The following CNTNAP2 variants were observed in gnomAD, a reference collection of about 807,000 sequenced individuals.
The protein encoded by CNTNAP2 is contactin-associated protein-like 2.
In CNTNAP2, 98 loss-of-function variants were observed where a neutral mutation model predicts 155.2. The ratio of observed to expected loss-of-function variants is 0.63; its 90% CI spans 0.54 to 0.75. The LOEUF (loss-of-function observed/expected upper bound fraction) is 0.75, where lower values mean the gene tolerates loss of function less well. CNTNAP2 is among the 30% of genes least tolerant of loss of function. The pLI, the probability that CNTNAP2 is intolerant of heterozygous loss-of-function variation, is 0.00. For missense variants in CNTNAP2, 1,727 were observed against 1,688.1 expected, an observed-to-expected ratio of 1.02 and a Z score of -0.40; for synonymous variants, 651 against 631.2, an observed-to-expected ratio of 1.03 and a Z score of -0.47.
In CNTNAP2 at chr7:147,926,651, G is replaced by A. The variant is rs114023807; in HGVS notation, c.2255+22930G>A. ...TACAGATTACAGTTCATGAAGTCTC[G>A]TTATATAACCTTTGAACCAAAGTTT... On this transcript the variant is annotated intron_variant, in intron 14 of 23. Coordinates refer to ENST00000361727, the MANE Select transcript of CNTNAP2 (RefSeq NM_014141.6). 1.9e-3 allele frequency among the ~76,000 whole-genome samples: 286 copies of A among 152,184 alleles called. 2 individuals are homozygous for A. The highest frequency in any genetic ancestry group is 6.4e-3 in the African/African-American group (267 of 41,534).
At chr7:148,259,797 C>T (rs144679068) in intron 20 of CNTNAP2, among the ~76,000 whole-genome samples, 349 of 152,354 alleles carry the variant, frequency 2.3e-3, no homozygotes, top group Middle Eastern at 0.02. Context: ...GCTTTAAGCT[C>T]CACGTGTAAG....
intron 8 of CNTNAP2, among the ~76,000 whole-genome samples, chr7:147,164,554 A>G (rs1194017324): frequency 6.6e-6 from 1 of 152,238 alleles, no homozygotes; most frequent in Admixed American, 6.5e-5. Context: ...AGTTAACATA[A>G]GGAGGAATAC....
At chr7:146,752,474 T>C (rs991194949) in intron 1 of CNTNAP2, among the ~76,000 whole-genome samples, 1 of 152,118 alleles carries the variant, frequency 6.6e-6, no homozygotes, top group Non-Finnish European at 1.5e-5. Flanking sequence ...GGGGTTGTTT[T>C]TTGCTTTTAA....
At chr7:147,126,044 C>T (rs532880425) in intron 6 of CNTNAP2, among the ~76,000 whole-genome samples, 1 of 152,306 alleles carries the variant, frequency 6.6e-6, no homozygotes, top group Non-Finnish European at 1.5e-5. Context: ...GTAAACAAGA[C>T]TGTGTCCTCC....
intron 1 of CNTNAP2, among the ~76,000 whole-genome samples, chr7:146,402,611 T>A (rs933193815): frequency 6.6e-6 from 1 of 152,134 alleles, no homozygotes; most frequent in African/African-American, 2.4e-5. Flanking sequence ...GATAAGTCTT[T>A]AAGTACAGTA....
intron 1 of CNTNAP2, among the ~76,000 whole-genome samples, chr7:146,540,764 C>G (rs1797941320): frequency 6.6e-6 from 1 of 152,032 alleles, no homozygotes; most frequent in Non-Finnish European, 1.5e-5. Flanking sequence ...ATTAAGGGAA[C>G]TTGCATACTT....
intron 5 of CNTNAP2, among the ~76,000 whole-genome samples, chr7:147,115,130 T>C (rs1189265583): frequency 6.6e-6 from 1 of 152,236 alleles, no homozygotes; most frequent in Non-Finnish European, 1.5e-5. Context: ...GAATATTGAT[T>C]ATTGGCCCCC....
chr7:146,172,051 T>A (rs2116821069), intron 1 of CNTNAP2, among the ~76,000 whole-genome samples: 1 of 148,978 alleles, frequency 6.7e-6, no homozygotes, highest in Admixed American at 6.7e-5. Context: ...TTTTTTTTTT[T>A]TTTTTGCTTA....
At chr7:147,668,280 C>A (rs1022425413) in intron 13 of CNTNAP2, among the ~76,000 whole-genome samples, 1 of 152,136 alleles carries the variant, frequency 6.6e-6, no homozygotes, top group South Asian at 2.1e-4. Flanking sequence ...CTGAATGGTT[C>A]GTTCATAGAG....
chr7:146,317,439 T>C (rs1393414958), intron 1 of CNTNAP2, among the ~76,000 whole-genome samples: 1 of 152,134 alleles, frequency 6.6e-6, no homozygotes, highest in Non-Finnish European at 1.5e-5. Flanking sequence ...CCTGAGAGTG[T>C]TTTTTCCTTT....
At chr7:147,449,353 A>G (rs1178048442) in intron 10 of CNTNAP2, among the ~76,000 whole-genome samples, 1 of 152,096 alleles carries the variant, frequency 6.6e-6, no homozygotes, top group African/African-American at 2.4e-5. Context: ...CAACGTTCTC[A>G]TCTAGTGTGG....
intron 10 of CNTNAP2, among the ~76,000 whole-genome samples, chr7:147,481,572 A>G (rs1294147164): frequency 6.6e-6 from 1 of 152,150 alleles, no homozygotes; most frequent in Non-Finnish European, 1.5e-5. Context: ...TATAGCTTTC[A>G]TTTGTCTTAT....
At chr7:147,321,166 C>T (rs1014354791) in intron 9 of CNTNAP2, among the ~76,000 whole-genome samples, 1 of 152,156 alleles carries the variant, frequency 6.6e-6, no homozygotes, top group Non-Finnish European at 1.5e-5. Flanking sequence ...AGAGAACTTG[C>T]ACCTCCCTCC....
At chr7:147,561,181 A>C (rs1243038594) in intron 11 of CNTNAP2, among the ~76,000 whole-genome samples, 1 of 152,088 alleles carries the variant, frequency 6.6e-6, no homozygotes, top group African/African-American at 2.4e-5. Context: ...TTTGTAATTT[A>C]TTTTGTACTA....
intron 1 of CNTNAP2, among the ~76,000 whole-genome samples, chr7:146,666,318 T>C (rs912233480): frequency 6.6e-5 from 10 of 152,210 alleles, no homozygotes; most frequent in African/African-American, 2.2e-4. Context: ...TTGCCACAAA[T>C]GACAGAATTT....
chr7:148,160,290 T>C (rs115240197), intron 17 of CNTNAP2, among the ~76,000 whole-genome samples: 4 of 151,044 alleles, frequency 2.6e-5, no homozygotes, highest in Admixed American at 2.6e-4. Flanking sequence ...TGTGCGCCTA[T>C]AGTCTCAGCT....
intron 13 of CNTNAP2, among the ~76,000 whole-genome samples, chr7:147,800,455 A>T (rs1228895938): frequency 6.6e-6 from 1 of 152,138 alleles, no homozygotes; most frequent in Non-Finnish European, 1.5e-5. Flanking sequence ...AAAGCATTTT[A>T]AGCAAAGGCA....
rs542483296 is a variant in CNTNAP2, at chr7:146,642,935, T to G, written c.98-131336T>G. ...TGATGAAGAGCATTGTTTCATGTGT[T>G]TTTTGGCTGCATAAATGTCTTCTTT... is the stretch of plus-strand genomic sequence containing the variant. On this transcript the variant is annotated intron_variant, in intron 1 of 23. Transcript: ENST00000361727. Among the ~76,000 whole-genome samples the G allele has an allele frequency of 1.2e-3, 189 of 151,686 alleles. 2 individuals carry two copies. Among genetic ancestry groups the G allele is most frequent in the Middle Eastern group, 3.4e-3 (1 of 294 alleles).
intron 1 of CNTNAP2, among the ~76,000 whole-genome samples, chr7:146,303,347 C>A (rs1038381124): frequency 1.3e-5 from 2 of 151,800 alleles, no homozygotes; most frequent in African/African-American, 4.8e-5. Flanking sequence ...ATCATGTACC[C>A]TCCTCAGTTT....
Sources: gnomAD v4.1 joint callset for allele counts (sites outside exome capture counted in the v4.1 genomes callset) on GRCh38, gnomAD v4.1.1 for gene constraint, MANE v1.5 for transcripts, NCBI Gene and HGNC (gene_info 2026-07-23, HGNC 2026-07-21) for gene names.